Variants in RIMS1 observed in about 807,000 individuals in gnomAD.
The protein encoded by RIMS1 is regulating synaptic membrane exocytosis protein 1.
In RIMS1, 83 loss-of-function variants were observed where a neutral mutation model predicts 214.1. The observed-to-expected ratio is 0.39, with a 90% CI of 0.32 to 0.47. The LOEUF (loss-of-function observed/expected upper bound fraction) is 0.47. RIMS1 is among the 20% of genes least tolerant of loss of function. RIMS1 has a pLI of 0.99. For missense variants in RIMS1, 2,050 were observed against 2,161.8 expected (o/e 0.95, Z 1.03); for synonymous variants, 793 against 786.8 (o/e 1.01, Z -0.13).
intron 26 of RIMS1, among the ~76,000 whole-genome samples, chr6:72,305,199 A>C (rs571829067): frequency 1.1e-4 from 17 of 152,142 alleles, no homozygotes; most frequent in Non-Finnish European, 2.9e-5. Context: ...TTGTCCTAGC[A>C]AGGTTCAGTC....
At chr6:72,279,550 C>T (rs1019635828) in intron 23 of RIMS1, among the ~76,000 whole-genome samples, 2 of 151,904 alleles carry the variant, frequency 1.3e-5, no homozygotes, top group African/African-American at 4.8e-5. Context: ...AGTAAATATT[C>T]TTTATGAATA....
chr6:71,964,619 A>G (rs1253569356), intron 1 of RIMS1, among the ~76,000 whole-genome samples: 1 of 152,178 alleles, frequency 6.6e-6, no homozygotes, highest in East Asian at 1.9e-4. Flanking sequence ...TTTCACTTGA[A>G]CTGCTGGAGA....
rs376566413 is a variant in RIMS1 at position 72,252,820 on chromosome 6, G to A, written c.2758G>A (p.Val920Ile). The A allele has an allele frequency of 3.0e-5, 47 of 1,555,594 alleles. No homozygotes were observed. Among genetic ancestry groups the A allele is most frequent in the Admixed American group, 1.6e-4 (8 of 51,430 alleles). The change falls in exon 16 of 34, where the codon GTA becomes ATA. Residue 920 changes from valine (V) to isoleucine (I), a missense_variant. This residue lies in a region of RIMS1 where 889 missense variants were observed against 885.5 expected (regional missense o/e 1.00). Transcript: ENST00000521978. ...SDYEVDDGIGVVPPVGYRSSA... is the reference protein window; with the variant it reads ...SDYEVDDGIGIVPPVGYRSSA... ...TTATGAGGTTGATGATGGTATTGGC[G>A]TAGTTCCTCCAGGTGCGTGGGTGAG...
chr6:72,105,646 A>G (rs2034592859), intron 4 of RIMS1, among the ~76,000 whole-genome samples: 1 of 152,206 alleles, frequency 6.6e-6, no homozygotes, highest in South Asian at 2.1e-4. Context: ...TTATTATTTA[A>G]TAAATTCAAC....
intron 29 of RIMS1, among the ~76,000 whole-genome samples, chr6:72,360,801 C>G (rs1166829253): frequency 2.0e-5 from 3 of 150,002 alleles, no homozygotes; most frequent in African/African-American, 7.3e-5. Flanking sequence ...GTGCGTAGTT[C>G]TTTAATACTT....
intron 26 of RIMS1, among the ~76,000 whole-genome samples, chr6:72,301,480 C>A (rs887922121): frequency 1.3e-5 from 2 of 151,588 alleles, no homozygotes; most frequent in African/African-American, 4.8e-5. Flanking sequence ...TGGCTTTAAC[C>A]AACCATGGAT....
chr6:72,230,244 G>C (rs1264985600), intron 6 of RIMS1, among the ~76,000 whole-genome samples: 1 of 151,664 alleles, frequency 6.6e-6, no homozygotes, highest in African/African-American at 2.4e-5. Flanking sequence ...GCCAATCTTA[G>C]AATTGGTTTG....
chr6:72,108,857 C>T (rs529542801), intron 4 of RIMS1, among the ~76,000 whole-genome samples: 62 of 118,692 alleles, frequency 5.2e-4, no homozygotes, highest in African/African-American at 1.8e-3. Flanking sequence ...CCCCTCCCCC[C>T]ACCCCACCAC....
At chr6:72,377,166 C>T (rs2154411116) in intron 29 of RIMS1, among the ~76,000 whole-genome samples, 1 of 152,254 alleles carries the variant, frequency 6.6e-6, no homozygotes, top group South Asian at 2.1e-4. Flanking sequence ...GCTTGGCTTA[C>T]CCCACCTCCT....
At chr6:72,049,135 C>G (rs947867118) in intron 2 of RIMS1, among the ~76,000 whole-genome samples, 2 of 152,142 alleles carry the variant, frequency 1.3e-5, no homozygotes, top group Admixed American at 1.3e-4. Flanking sequence ...AATTCAAGTT[C>G]AGGGGATCCA....
At chr6:72,281,891 C>G (rs1271984406) in intron 23 of RIMS1, among the ~76,000 whole-genome samples, 1 of 152,006 alleles carries the variant, frequency 6.6e-6, no homozygotes, top group Non-Finnish European at 1.5e-5. Flanking sequence ...CTTGTTTGAG[C>G]TACTTTTTGT....
chr6:72,093,271 CACAT>C (rs1836848676), intron 2 of RIMS1, among the ~76,000 whole-genome samples: 1 of 130,772 alleles, frequency 7.6e-6, no homozygotes, highest in African/African-American at 2.6e-5. Flanking sequence ...TGTATACACA[CACAT>C]ACACACACAA....
intron 1 of RIMS1, among the ~76,000 whole-genome samples, chr6:71,965,462 G>A (rs1385115099): frequency 6.6e-6 from 1 of 152,216 alleles, no homozygotes; most frequent in Non-Finnish European, 1.5e-5. Context: ...TTGGAGAGAT[G>A]AAAGCCTTGC....
intron 4 of RIMS1, among the ~76,000 whole-genome samples, chr6:72,159,050 C>T (rs2044876953): frequency 7.1e-6 from 1 of 140,810 alleles, no homozygotes; most frequent in African/African-American, 2.5e-5. Context: ...CACATCCTCT[C>T]CAGCACCTGT....
chr6:72,235,949 T>A (rs1378516805), intron 8 of RIMS1, among the ~76,000 whole-genome samples: 1 of 152,130 alleles, frequency 6.6e-6, no homozygotes, highest in Admixed American at 6.6e-5. Context: ...AAGATTTAAA[T>A]GGAAAGTAGC....
At chr6:72,121,292 T>C (rs1015066602) in intron 4 of RIMS1, among the ~76,000 whole-genome samples, 1 of 151,938 alleles carries the variant, frequency 6.6e-6, no homozygotes, top group African/African-American at 2.4e-5. Context: ...GAGCATGGAA[T>C]GTTGTTCCAT....
chr6:72,225,337 T>A (rs2059872769), intron 6 of RIMS1, among the ~76,000 whole-genome samples: 1 of 152,192 alleles, frequency 6.6e-6, no homozygotes, highest in Non-Finnish European at 1.5e-5. Flanking sequence ...ATTATCATTT[T>A]ACTATTTTCA....
intron 4 of RIMS1, among the ~76,000 whole-genome samples, chr6:72,106,002 G>T (rs192132788): frequency 6.6e-6 from 1 of 152,192 alleles, no homozygotes; most frequent in Admixed American, 6.5e-5. Flanking sequence ...TTAAAAATAT[G>T]TTCTAAAGCT....
At chr6:72,237,342 G>T (rs1052325964) in intron 8 of RIMS1, among the ~76,000 whole-genome samples, 2 of 152,026 alleles carry the variant, frequency 1.3e-5, no homozygotes, top group African/African-American at 4.8e-5. Flanking sequence ...TCAAATATGA[G>T]ATGTTTTGTT....
Sources: gnomAD v4.1 joint callset for allele counts (sites outside exome capture counted in the v4.1 genomes callset) on GRCh38, gnomAD v4.1.1 for gene constraint, gnomAD v4.1.1 regional missense constraint, MANE v1.5 for transcripts, NCBI Gene and HGNC (gene_info 2026-07-23, HGNC 2026-07-21) for gene names.